Variants in STK3 observed in about 807,000 individuals in gnomAD.
STK3 encodes the protein serine/threonine-protein kinase 3.
In STK3, 41 loss-of-function variants were observed where a neutral mutation model predicts 58.0. The ratio of observed to expected loss-of-function variants is 0.71; its 90% CI spans 0.55 to 0.92. STK3 has a LOEUF of 0.92. STK3 is among the 40% of genes least tolerant of loss of function. The pLI, the probability that STK3 is intolerant of heterozygous loss-of-function variation, is 0.00. For missense variants in STK3, 479 were observed against 602.7 expected (o/e 0.79, Z 2.15); for synonymous variants, 170 against 191.0 (o/e 0.89, Z 0.91).
chr8:98,535,509 T>C (rs1229789368), intron 9 of STK3, among the ~76,000 whole-genome samples: 1 of 151,774 alleles, frequency 6.6e-6, no homozygotes, highest in African/African-American at 2.4e-5. Flanking sequence ...GCTCTCGTTA[T>C]GGTCTTGTTT....
chr8:98,863,449 A>T (rs1404818302), intron 3 of STK3, among the ~76,000 whole-genome samples: 1 of 152,172 alleles, frequency 6.6e-6, no homozygotes, highest in Non-Finnish European at 1.5e-5. Context: ...TAGAGATAAC[A>T]GTAGCATCTA....
chr8:98,528,746 C>A (rs1228696222), intron 9 of STK3, among the ~76,000 whole-genome samples: 1 of 152,086 alleles, frequency 6.6e-6, no homozygotes, highest in Non-Finnish European at 1.5e-5. Context: ...CACCTCCCCA[C>A]AAGGGACCCT....
chr8:98,784,490 C>T (rs1563997675), intron 1 of STK3, among the ~76,000 whole-genome samples: 1 of 152,230 alleles, frequency 6.6e-6, no homozygotes, highest in Non-Finnish European at 1.5e-5. Flanking sequence ...TGTGGTGCAG[C>T]AGGGCCCTCT....
intron 6 of STK3, among the ~76,000 whole-genome samples, chr8:98,656,090 G>T (rs1292905643): frequency 1.3e-5 from 2 of 152,110 alleles, no homozygotes; most frequent in Non-Finnish European, 2.9e-5. Context: ...CAACCTAAAT[G>T]TCCAACAATG....
At chr8:98,550,773 TCCTTGTCTCCAAA>T (rs1563730765) in intron 8 of STK3, among the ~76,000 whole-genome samples, 6 of 152,134 alleles carry the variant, frequency 3.9e-5, no homozygotes, top group Non-Finnish European at 7.4e-5. Context: ...AGGCATAGGA[TCCTTGTCTCCAAA>T]GATTGATGAT....
At chr8:98,400,485 C>G (rs140963049), downstream of STK3, among the ~76,000 whole-genome samples, 1 of 152,380 alleles carries the variant, frequency 6.6e-6, no homozygotes, top group African/African-American at 2.4e-5. Flanking sequence ...GCTCAGCAAT[C>G]TCTCTCACGC....
chr8:98,688,468 A>G (rs1824169088), intron 6 of STK3, among the ~76,000 whole-genome samples: 1 of 152,182 alleles, frequency 6.6e-6, no homozygotes, highest in East Asian at 1.9e-4. Flanking sequence ...CACAGAATAT[A>G]CATTCTTCTC....
chr8:98,716,039 A>T (rs537367416), intron 4 of STK3, among the ~76,000 whole-genome samples: 1 of 152,300 alleles, frequency 6.6e-6, no homozygotes, highest in East Asian at 1.9e-4. Flanking sequence ...AGGACAAAAA[A>T]AAACAAACAC....
intron 10 of STK3, among the ~76,000 whole-genome samples, chr8:98,517,924 C>T (rs1825056610): frequency 6.6e-6 from 1 of 152,066 alleles, no homozygotes. Flanking sequence ...AGAAAGCCCA[C>T]ATAGTCAAAA....
intron 1 of STK3, 82 bp downstream of exon 1, chr8:98,825,433 G>T: frequency 7.9e-7 from 1 of 1,269,218 alleles, no homozygotes; most frequent in African/African-American, 1.6e-5. Context: ...GGAGAGGCTC[G>T]CAGCAGGGCC....
In STK3 at chr8:98,631,734, G is replaced by A. The variant is rs1372836645; in HGVS notation, c.685-35565C>T. Among the ~76,000 whole-genome samples, 13 of 152,170 alleles carry A rather than the reference G, an allele frequency of 8.5e-5. No individual in the cohort carries two copies. In the South Asian group the frequency reaches 2.7e-3, roughly 32 times the overall value. ...GGCTAGAGGGCAGTGGCACGACCTC[G>A]GCTCACTGCAACCTCCGCCTCCTGG... On this transcript the variant is annotated intron_variant, in intron 6 of 10. Coordinates refer to ENST00000419617, the MANE Select transcript of STK3 (RefSeq NM_006281.4).
At chr8:98,658,096 A>G (rs1374161045) in intron 6 of STK3, among the ~76,000 whole-genome samples, 1 of 152,120 alleles carries the variant, frequency 6.6e-6, no homozygotes, top group Non-Finnish European at 1.5e-5. Context: ...ATATGTCAGT[A>G]TATCTCAATA....
chr8:98,805,494 G>C (rs1487562159), intron 1 of STK3, among the ~76,000 whole-genome samples: 1 of 152,092 alleles, frequency 6.6e-6, no homozygotes, highest in East Asian at 1.9e-4. Flanking sequence ...AGAATTGCTT[G>C]AACCCAGGAG....
At chr8:98,753,275 G>A (rs564505557) in intron 3 of STK3, among the ~76,000 whole-genome samples, 1 of 152,290 alleles carries the variant, frequency 6.6e-6, no homozygotes, top group East Asian at 1.9e-4. Flanking sequence ...TATACACAAT[G>A]GAATACTATG....
chr8:98,770,104 A>G (rs1831204775), intron 2 of STK3, among the ~76,000 whole-genome samples: 1 of 152,070 alleles, frequency 6.6e-6, no homozygotes, highest in Admixed American at 6.6e-5. Context: ...GAATCCCCAA[A>G]TCCTATCAAG....
At chr8:98,736,876 A>G (rs571662306) in intron 4 of STK3, among the ~76,000 whole-genome samples, 1 of 152,346 alleles carries the variant, frequency 6.6e-6, no homozygotes, top group East Asian at 1.9e-4. Flanking sequence ...CATAGACAAT[A>G]TCCAGAAAGT....
chr8:98,491,832 CA>C lies in STK3; in HGVS notation c.1317+34909del, dbSNP rs576074140. Among the ~76,000 whole-genome samples the C allele has an allele frequency of 3.8e-3, 584 of 152,172 alleles. 6 individuals carry two copies. The highest frequency in any genetic ancestry group is 0.013 in the African/African-American group (545 of 41,520). On this transcript the variant is annotated intron_variant, in intron 10 of 10. Transcript: ENST00000419617. ...CTTATAATAAAGTAATTAAAAGCTA[CA>C]AAAAGAAAACCTTTTATGTTACTTA...
intron 9 of STK3, among the ~76,000 whole-genome samples, chr8:98,530,167 T>G (rs946917126): frequency 2.6e-5 from 4 of 152,188 alleles, no homozygotes; most frequent in Non-Finnish European, 4.4e-5. Flanking sequence ...TAAAAATTTC[T>G]TTTTAACTTT....
At chr8:98,506,351 T>C (rs571762511) in intron 10 of STK3, among the ~76,000 whole-genome samples, 2 of 152,300 alleles carry the variant, frequency 1.3e-5, no homozygotes, top group African/African-American at 4.8e-5. Context: ...CCCCTTGTGC[T>C]TCCTGGGTGA....
Sources: allele counts gnomAD v4.1 joint callset (sites outside exome capture counted in the v4.1 genomes callset), GRCh38; gene constraint gnomAD v4.1.1; transcripts MANE v1.5; gene names NCBI Gene and HGNC (gene_info 2026-07-23, HGNC 2026-07-21).